GRAP2: variants seen among roughly 807,000 people sequenced by gnomAD.
GRAP2 encodes the protein GRB2 related adaptor protein 2.
A neutral mutation model predicts 43.5 loss-of-function variants in GRAP2; 31 were observed. The ratio of observed to expected loss-of-function variants is 0.71; its 90% CI spans 0.54 to 0.96. GRAP2 has a LOEUF of 0.96. GRAP2 is among the 40% of genes least tolerant of loss of function. GRAP2 has a pLI of 0.00. For missense variants in GRAP2, 371 were observed against 424.4 expected (o/e 0.87, Z 1.11); for synonymous variants, 156 against 164.8 (o/e 0.95, Z 0.41).
At chr22:39,900,312 AT>A (rs2066485617), upstream of GRAP2, among the ~76,000 whole-genome samples, 1 of 152,110 alleles carries the variant, frequency 6.6e-6, no homozygotes, top group Non-Finnish European at 1.5e-5. Flanking sequence ...GTGAGCCAAC[AT>A]TTCCCTCCTC....
At chr22:39,935,520 T>C (rs1474734087) in intron 1 of GRAP2, among the ~76,000 whole-genome samples, 1 of 152,188 alleles carries the variant, frequency 6.6e-6, no homozygotes, top group African/African-American at 2.4e-5. Flanking sequence ...TTCCCAAAAA[T>C]AAGAATATTA....
chr22:39,970,982 G>A lies in GRAP2; in HGVS notation c.891G>A (p.Val297=), dbSNP rs1391541134. The change falls in exon 8 of 8, where the codon GTG becomes GTA. Residue 297 remains valine (V), a synonymous_variant. Coordinates refer to ENST00000344138, the MANE Select transcript of GRAP2 (RefSeq NM_004810.4). ...AGCTGGGGTTCCACAGCGGGGAGGT[G>A]GTGGAGGTCCTGGATAGCTCCAACC... ...DDELGFHSGE[V]VEVLDSSNPS... The A allele has an allele frequency of 1.2e-6, 2 of 1,613,628 alleles. No individual in the cohort carries two copies. Among genetic ancestry groups the A allele is most frequent in the Non-Finnish European group, 1.7e-6 (2 of 1,179,832 alleles).
At chr22:39,937,963 A>C (rs907743572) in intron 1 of GRAP2, among the ~76,000 whole-genome samples, 16 of 152,234 alleles carry the variant, frequency 1.1e-4, no homozygotes, top group Admixed American at 7.9e-4. Flanking sequence ...ATGAGACTTC[A>C]TGTGATGCGT....
chr22:39,962,496 A>T (rs2067130140), intron 4 of GRAP2, among the ~76,000 whole-genome samples: 1 of 152,104 alleles, frequency 6.6e-6, no homozygotes. Context: ...TATATTTAAC[A>T]TGCGTGTATA....
At chr22:39,968,518 C>T (rs2067202444) in intron 6 of GRAP2, 1 of 538,934 alleles carries the variant, frequency 1.9e-6, no homozygotes, top group Non-Finnish European at 3.3e-6. Context: ...CTCACACACA[C>T]ACACACTTCC....
chr22:39,953,278 A>G (rs1401926686), intron 2 of GRAP2, among the ~76,000 whole-genome samples: 1 of 152,048 alleles, frequency 6.6e-6, no homozygotes, highest in African/African-American at 2.4e-5. Context: ...AGTCACCCGC[A>G]TGCAATCTGA....
At chr22:39,955,796 G>C (rs1384918924) in intron 2 of GRAP2, 23 bp from the exon 3 acceptor site, 1 of 1,266,966 alleles carries the variant, frequency 7.9e-7, no homozygotes, top group East Asian at 2.3e-5. Context: ...CAATGTCTTT[G>C]TCTTTCCTTT....
chr22:39,965,915 C>A, intron 4 of GRAP2, 75 bp from the exon 5 acceptor site: 1 of 1,209,376 alleles, frequency 8.3e-7, no homozygotes, highest in South Asian at 1.2e-5. Context: ...ACTCCACCAT[C>A]CCAGATGTGA....
intron 1 of GRAP2, among the ~76,000 whole-genome samples, chr22:39,924,503 C>T (rs1027026979): frequency 1.3e-5 from 2 of 152,290 alleles, no homozygotes; most frequent in Non-Finnish European, 2.9e-5. Flanking sequence ...GAGTTCAAGA[C>T]CACCCTGGCC....
intron 1 of GRAP2, among the ~76,000 whole-genome samples, chr22:39,918,803 A>G (rs1294663893): frequency 6.6e-6 from 1 of 152,244 alleles, no homozygotes; most frequent in African/African-American, 2.4e-5. Flanking sequence ...CACTCAATTA[A>G]CAAAACGTTG....
At chr22:39,926,666 T>G in intron 1 of GRAP2, 1 of 985,262 alleles carries the variant, frequency 1.0e-6, no homozygotes, top group African/African-American at 1.7e-5. Context: ...TCTCAGGAGC[T>G]GTTTGGAAAA....
At chr22:39,911,274 A>G (rs1436762728) in intron 1 of GRAP2, among the ~76,000 whole-genome samples, 2 of 152,262 alleles carry the variant, frequency 1.3e-5, no homozygotes, top group South Asian at 4.1e-4. Flanking sequence ...TTTTGGTTGT[A>G]GTAACATCAC....
intron 1 of GRAP2, among the ~76,000 whole-genome samples, chr22:39,944,617 G>A (rs1291739196): frequency 6.6e-6 from 1 of 152,098 alleles, no homozygotes; most frequent in Non-Finnish European, 1.5e-5. Context: ...TTGCCATACC[G>A]CCTACCTCCT....
chr22:39,952,228 T>C (rs567485005), intron 2 of GRAP2, among the ~76,000 whole-genome samples: 22 of 152,156 alleles, frequency 1.4e-4, no homozygotes, highest in African/African-American at 4.6e-4. Context: ...GGTTTTGCCA[T>C]GTTGGCCAGG....
chr22:39,960,216 G>C, intron 4 of GRAP2, 42 bp downstream of exon 4: 1 of 1,591,728 alleles, frequency 6.3e-7, no homozygotes, highest in African/African-American at 1.3e-5. Context: ...TTCTCGGCCT[G>C]TTAACCTCAC....
At chr22:39,913,506 T>C (rs137969) in intron 1 of GRAP2, among the ~76,000 whole-genome samples, 100,985 of 152,056 alleles carry the variant, frequency 0.66, 35,415 homozygotes, top group African/African-American at 0.91. Context: ...TGACCGATGC[T>C]GAGTCAGCCA....
At chr22:39,962,464 T>G (rs2145669955) in intron 4 of GRAP2, among the ~76,000 whole-genome samples, 1 of 152,176 alleles carries the variant, frequency 6.6e-6, no homozygotes, top group African/African-American at 2.4e-5. Flanking sequence ...ATACATATAT[T>G]ATTAGAAAAA....
intron 7 of GRAP2, among the ~76,000 whole-genome samples, chr22:39,970,394 G>A (rs1171841771): frequency 6.6e-6 from 1 of 152,164 alleles, no homozygotes; most frequent in Non-Finnish European, 1.5e-5. Flanking sequence ...GATCCATCTT[G>A]ACTTGTGACT....
At chr22:39,945,168 C>T (rs1336529695) in intron 1 of GRAP2, among the ~76,000 whole-genome samples, 7 of 152,152 alleles carry the variant, frequency 4.6e-5, no homozygotes, top group Admixed American at 3.9e-4. Context: ...AATTTGCCTT[C>T]GATAGATGGA....
Sources: gnomAD v4.1 joint callset for allele counts (sites outside exome capture counted in the v4.1 genomes callset) on GRCh38, gnomAD v4.1.1 for gene constraint, MANE v1.5 for transcripts, NCBI Gene and HGNC (gene_info 2026-07-23, HGNC 2026-07-21) for gene names.